Variants in CDH7 observed in about 807,000 individuals in gnomAD.
CDH7 encodes the protein cadherin-7.
In CDH7, 25 loss-of-function variants were observed where a neutral mutation model predicts 71.8. That is an observed-to-expected ratio of 0.35 (90% confidence interval 0.25 to 0.49). CDH7 has a LOEUF of 0.49. Among genes scored for constraint, CDH7 ranks in the 20% least tolerant of loss-of-function variants. The pLI, the probability that CDH7 is intolerant of heterozygous loss-of-function variation, is 0.99. For missense variants in CDH7, 862 were observed against 974.6 expected, an observed-to-expected ratio of 0.88 and a Z score of 1.54; for synonymous variants, 381 against 363.8, an observed-to-expected ratio of 1.05 and a Z score of -0.54.
chr18:65,841,799 G>T (rs1912743218), intron 6 of CDH7, among the ~76,000 whole-genome samples: 1 of 152,012 alleles, frequency 6.6e-6, no homozygotes, highest in Non-Finnish European at 1.5e-5. Context: ...CCATTGGAAG[G>T]GGCCACACAT....
intron 6 of CDH7, among the ~76,000 whole-genome samples, chr18:65,840,815 T>G (rs1912705662): frequency 6.6e-6 from 1 of 152,184 alleles, no homozygotes. Context: ...ACTAGTACAA[T>G]GTACTTCCAA....
In CDH7 at chr18:65,751,107, G is replaced by C. The variant is rs1467549974; in HGVS notation, c.-240G>C. Reference sequence around the variant, plus strand: ...ACGTTCTTTCGGATGCACACGCCCGGGTCCCTGGCGTCTGACGCCGTGGGG... The same window carrying C: ...ACGTTCTTTCGGATGCACACGCCCGCGTCCCTGGCGTCTGACGCCGTGGGG... On this transcript the variant is annotated 5_prime_UTR_variant, in exon 1 of 12. Transcript: ENST00000397968. 2 of 152,334 alleles carry C rather than the reference G, an allele frequency of 1.3e-5. No homozygotes were observed. The highest frequency in any genetic ancestry group is 4.8e-5 in the African/African-American group (2 of 41,476). 9.4% of individuals were successfully genotyped at this position (152,334 alleles called of 1,614,324 possible).
Position 65,781,860 on chromosome 18 carries a change from T to TCTCTCTCTGTCTCTCTCTC in CDH7, c.210+18808_210+18809insCTCTCTCTGTCTCTCTCTC, listed in dbSNP as rs1910240405. 1.3e-4 allele frequency among the ~76,000 whole-genome samples: 9 copies of TCTCTCTCTGTCTCTCTCTC among 70,358 alleles called. 2 individuals carry two copies. The highest frequency in any genetic ancestry group is 1.0e-3 in the African/African-American group (8 of 7,988). 46.2% of individuals were successfully genotyped at this position (70,358 alleles called of 152,430 possible). On this transcript the variant is annotated intron_variant, in intron 2 of 11. Coordinates refer to ENST00000397968, the MANE Select transcript of CDH7 (RefSeq NM_004361.5). ...TTTCTTTCTTTCTTTCTTTCTTTCT[T>TCTCTCTCTGTCTCTCTCTC]TCTTTCTCTCTCTCTCTCTGTCTCT...
At chr18:65,858,442 G>A (rs139441915) in intron 8 of CDH7, among the ~76,000 whole-genome samples, 10 of 151,888 alleles carry the variant, frequency 6.6e-5, no homozygotes, top group African/African-American at 2.4e-4. Flanking sequence ...TAATGTGTAT[G>A]CATTTATAAT....
At chr18:65,797,413 T>G (rs1431130570) in intron 2 of CDH7, among the ~76,000 whole-genome samples, 1 of 152,166 alleles carries the variant, frequency 6.6e-6, no homozygotes, top group Non-Finnish European at 1.5e-5. Context: ...TCAAGATGGT[T>G]GGTGTGCAGG....
chr18:65,816,984 A>G (rs971883501), intron 4 of CDH7, among the ~76,000 whole-genome samples: 3 of 152,134 alleles, frequency 2.0e-5, no homozygotes, highest in African/African-American at 7.2e-5. Flanking sequence ...TGTGTGATAT[A>G]TGGGAGGACT....
intron 2 of CDH7, among the ~76,000 whole-genome samples, chr18:65,770,315 C>T (rs2143805276): frequency 6.6e-6 from 1 of 152,074 alleles, no homozygotes; most frequent in East Asian, 1.9e-4. Context: ...CCCCACATTG[C>T]CTACAAAATC....
intron 10 of CDH7, among the ~76,000 whole-genome samples, chr18:65,862,177 A>G (rs1177438288): frequency 6.6e-6 from 1 of 152,096 alleles, no homozygotes; most frequent in Non-Finnish European, 1.5e-5. Context: ...ATCCCTGTAT[A>G]TTCAATTTAA....
At chr18:65,855,004 C>T (rs1325529086) in intron 7 of CDH7, among the ~76,000 whole-genome samples, 1 of 151,742 alleles carries the variant, frequency 6.6e-6, no homozygotes, top group African/African-American at 2.4e-5. Context: ...AAGCATATTC[C>T]ACCCTGTATC....
At chr18:65,776,405 G>C (rs866242904) in intron 2 of CDH7, among the ~76,000 whole-genome samples, 42 of 150,160 alleles carry the variant, frequency 2.8e-4, no homozygotes, top group African/African-American at 1.0e-3. Context: ...CACACACAGA[G>C]AGAGAGAGAG....
Position 65,884,245 on chromosome 18 carries a change from C to T in CDH7, c.*3351C>T, listed in dbSNP as rs1479187383. On this transcript the variant is annotated 3_prime_UTR_variant, in exon 12 of 12. Coordinates refer to ENST00000397968, the MANE Select transcript of CDH7 (RefSeq NM_004361.5). ...TCAATCTCAATTCACAAATTAGTCTCTGAAAGAAATATTCCAAGATCAGCC... is the reference window on the plus strand; with the variant it reads ...TCAATCTCAATTCACAAATTAGTCTTTGAAAGAAATATTCCAAGATCAGCC... 2 of 152,078 alleles carry T rather than the reference C, an allele frequency of 1.3e-5. No individual in the cohort carries two copies. The highest frequency in any genetic ancestry group is 1.9e-4 in the East Asian group (1 of 5,190). The allele number at this position is 152,078 out of a possible 1,614,324, so 9.4% of individuals were successfully genotyped here. A position where few individuals can be genotyped will look rare whatever the true frequency, so the allele number is the denominator to read the frequency against.
At chr18:65,823,074 A>C (rs1911995099) in intron 5 of CDH7, among the ~76,000 whole-genome samples, 1 of 152,008 alleles carries the variant, frequency 6.6e-6, no homozygotes, top group South Asian at 2.1e-4. Context: ...TAAACTCCCT[A>C]CCAACAGAAT....
At chr18:65,804,845 G>A (rs1345469088) in intron 2 of CDH7, among the ~76,000 whole-genome samples, 1 of 152,062 alleles carries the variant, frequency 6.6e-6, no homozygotes, top group African/African-American at 2.4e-5. Flanking sequence ...ACATGTAAGT[G>A]TGAAAGTACA....
At chr18:65,850,021 A>G (rs1053917571) in intron 7 of CDH7, among the ~76,000 whole-genome samples, 7 of 146,408 alleles carry the variant, frequency 4.8e-5, no homozygotes, top group Admixed American at 1.3e-4. Context: ...AAAATTAGCC[A>G]GGTGTGGTGG....
intron 11 of CDH7, among the ~76,000 whole-genome samples, chr18:65,875,294 A>G (rs1276771943): frequency 2.0e-5 from 3 of 152,296 alleles, no homozygotes; most frequent in Middle Eastern, 3.4e-3. Flanking sequence ...AGAGACCAGT[A>G]ATTTCATGGT....
intron 2 of CDH7, among the ~76,000 whole-genome samples, chr18:65,770,423 T>C (rs1425224884): frequency 1.3e-5 from 2 of 152,190 alleles, no homozygotes; most frequent in African/African-American, 4.8e-5. Context: ...CTTAGAATCC[T>C]ATAAGTTAAA....
chr18:65,835,597 A>G (rs1274070007), intron 6 of CDH7, among the ~76,000 whole-genome samples: 1 of 152,200 alleles, frequency 6.6e-6, no homozygotes, highest in Admixed American at 6.5e-5. Flanking sequence ...CAGACAATGT[A>G]TGAAACCCTC....
intron 11 of CDH7, chr18:65,865,580 C>G (rs1913728755): frequency 6.6e-6 from 1 of 152,100 alleles, no homozygotes; most frequent in South Asian, 2.1e-4. Flanking sequence ...GCTTCCATTT[C>G]TATAGTGACC....
chr18:65,794,020 T>C (rs1052218459), intron 2 of CDH7, among the ~76,000 whole-genome samples: 7 of 152,090 alleles, frequency 4.6e-5, no homozygotes, highest in African/African-American at 1.7e-4. Context: ...AGGGGGAATA[T>C]AGAAGAATAG....
Sources: allele counts gnomAD v4.1 joint callset (sites outside exome capture counted in the v4.1 genomes callset), GRCh38; gene constraint gnomAD v4.1.1; transcripts MANE v1.5; gene names NCBI Gene and HGNC (gene_info 2026-07-23, HGNC 2026-07-21).